The following SPG7 variants were observed in gnomAD, a reference collection of about 807,000 sequenced individuals.
SPG7 encodes mitochondrial inner membrane m-AAA protease component paraplegin.
A neutral mutation model predicts 81.9 loss-of-function variants in SPG7; 103 were observed. That is an observed-to-expected ratio of 1.26 (90% confidence interval 1.07 to 1.48). The LOEUF (loss-of-function observed/expected upper bound fraction) is 1.48. SPG7 is among the 40% of genes most tolerant of loss of function. The pLI is 0.00. For synonymous variants in SPG7, 534 were observed against 444.2 expected (o/e 1.20, Z -2.54); for missense variants, 1,241 against 1,087.3 (o/e 1.14, Z -1.99).
intron 9 of SPG7, chr16:89,537,022 G>C (rs1567919775): frequency 1.2e-6 from 2 of 1,609,816 alleles, no homozygotes; most frequent in Admixed American, 1.7e-5. Context: ...TCCGCCCCCG[G>C]ATTTGCTCAG....
In SPG7 at chr16:89,532,565, C is replaced by A; in HGVS notation, c.1253C>A (p.Ser418Tyr). 1 of 1,613,798 alleles carries A rather than the reference C, an allele frequency of 6.2e-7. No individual in the cohort carries two copies. The highest frequency in any genetic ancestry group is 8.5e-7 in the Non-Finnish European group (1 of 1,180,034). Residue 418 changes from serine to tyrosine, a missense_variant, in exon 9 of 17, where the codon TCC becomes TAC. Ser to Tyr is a moderately radical substitution (Grantham distance 144, BLOSUM62 -2). Coordinates refer to ENST00000645818, the MANE Select transcript of SPG7 (RefSeq NM_003119.4). ...DEIDAVGKKR[S>Y]TTMSGFSNTE... ...ATCGACGCGGTGGGCAAGAAGCGCT[C>A]CACCACCATGTCCGGCTTCTCCAAC...
intron 3 of SPG7, chr16:89,521,588 A>T (rs1328619228): frequency 2.0e-5 from 3 of 152,142 alleles, no homozygotes; most frequent in East Asian, 3.9e-4. Flanking sequence ...ACTCAAATTT[A>T]AAAAATTAGC....
In SPG7 at chr16:89,532,161, G is replaced by A. The variant is rs984145726; in HGVS notation, c.1150+95G>A. On this transcript the variant is annotated intron_variant, in intron 8 of 16. Coordinates refer to ENST00000645818, the MANE Select transcript of SPG7 (RefSeq NM_003119.4). The stretch of plus-strand genomic sequence containing the variant: ...CTGGTGTCTGGACTGAAAGGGACAC[G>A]GGTGGGTGGGGGAGTAGAGAAGGAA... 45 of 1,302,484 alleles carry A rather than the reference G, an allele frequency of 3.5e-5. No homozygotes were observed. The African/African-American group carries it at 4.6e-4, about 13-fold the overall frequency. The allele number at this position is 1,302,484 out of a possible 1,614,324, so 80.7% of individuals were successfully genotyped here. A position where few individuals can be genotyped will look rare whatever the true frequency, so the allele number is the denominator to read the frequency against.
Position 89,554,482 on chromosome 16 carries a change from A to AC in SPG7, c.2104-3dup. 6.2e-7 allele frequency: 1 copy of AC among 1,605,614 alleles called. No individual in the cohort carries two copies. The highest frequency in any genetic ancestry group is 2.2e-5 in the East Asian group (1 of 44,826). On this transcript the variant is annotated splice_polypyrimidine_tract_variant and splice_region_variant and intron_variant, in intron 15 of 16. Coordinates refer to ENST00000645818, the MANE Select transcript of SPG7 (RefSeq NM_003119.4). Reference sequence around the variant, plus strand: ...GCCCCTGACACAGTTCCCTCCACTCACAGGAAGCAAGACTGCTGGTGGCCA... The same window carrying AC: ...GCCCCTGACACAGTTCCCTCCACTCACCAGGAAGCAAGACTGCTGGTGGCCA...
At chr16:89,520,677 G>GT (rs1473055214) in intron 3 of SPG7, 1 of 151,936 alleles carries the variant, frequency 6.6e-6, no homozygotes, top group Non-Finnish European at 1.5e-5. Context: ...GATGACAGTC[G>GT]TAAGCCACTG....
chr16:89,534,085 C>G (rs931017871), intron 9 of SPG7, among the ~76,000 whole-genome samples: 3 of 152,210 alleles, frequency 2.0e-5, no homozygotes, highest in Admixed American at 6.5e-5. Flanking sequence ...TATATTCGCA[C>G]TGTTGAGCAA....
At chr16:89,525,566 A>G (rs1381625398) in intron 4 of SPG7, among the ~76,000 whole-genome samples, 1 of 152,116 alleles carries the variant, frequency 6.6e-6, no homozygotes, top group African/African-American at 2.4e-5. Context: ...TTAACCTCAA[A>G]GAGAGTCCCG....
intron 12 of SPG7, chr16:89,548,609 G>A (rs773761775): frequency 4.1e-5 from 13 of 315,758 alleles, no homozygotes; most frequent in East Asian, 1.8e-4. Context: ...TCATGGTCCC[G>A]ACCGTCAGTA....
intron 5 of SPG7, among the ~76,000 whole-genome samples, chr16:89,527,564 T>C (rs1050261865): frequency 1.3e-5 from 2 of 152,178 alleles, no homozygotes; most frequent in Non-Finnish European, 2.9e-5. Flanking sequence ...CTTGCTCTCT[T>C]CTACAGACAG....
intron 9 of SPG7, chr16:89,542,018 G>C (rs912265776): frequency 6.6e-6 from 1 of 151,468 alleles, no homozygotes; most frequent in African/African-American, 2.4e-5. Context: ...GTGCCCCGCA[G>C]GGTGGCCATC....
chr16:89,517,614 G>GTTT (rs2058119052), intron 3 of SPG7: 1 of 147,072 alleles, frequency 6.8e-6, no homozygotes, highest in African/African-American at 2.5e-5. Flanking sequence ...AATTGTCGTC[G>GTTT]TCTTTTTTTT....
At chr16:89,509,131 G>A (rs1302360421) in intron 1 of SPG7, 4 of 372,668 alleles carry the variant, frequency 1.1e-5, no homozygotes, top group Admixed American at 6.3e-5. Context: ...CTTGTTTCAG[G>A]TTCTGCTAAG....
In SPG7 at chr16:89,551,202, C is replaced by G. The variant is rs1368149918; in HGVS notation, c.1779+593C>G. On this transcript the variant is annotated intron_variant, in intron 13 of 16. Transcript: ENST00000645818. ...AGTCCGAGTGCTGCCAAGAGGAGGTCTCTACTCGGAACGCAGGTGCCGTCT... is the reference window on the plus strand; with the variant it reads ...AGTCCGAGTGCTGCCAAGAGGAGGTGTCTACTCGGAACGCAGGTGCCGTCT... The G allele has an allele frequency of 1.1e-5, 2 of 180,278 alleles. 1 individual carries two copies. The highest frequency in any genetic ancestry group is 2.4e-5 in the Non-Finnish European group (2 of 83,710). 11.2% of individuals were successfully genotyped at this position (180,278 alleles called of 1,614,324 possible).
At chr16:89,515,088 C>T (rs1368616606) in intron 3 of SPG7, among the ~76,000 whole-genome samples, 3 of 151,532 alleles carry the variant, frequency 2.0e-5, no homozygotes, top group Non-Finnish European at 4.4e-5. Context: ...AGGTGCCCGC[C>T]ACCATACCCG....
At chr16:89,553,420 C>T (rs2058656571) in intron 14 of SPG7, 1 of 531,078 alleles carries the variant, frequency 1.9e-6, no homozygotes, top group East Asian at 3.4e-5. Context: ...GAAGCGGCTT[C>T]ATTGTTCTGA....
chr16:89,530,079 TCCTC>T (rs1771637242), intron 6 of SPG7: 2 of 269,558 alleles, frequency 7.4e-6, no homozygotes, highest in East Asian at 9.9e-5. Flanking sequence ...CCTCAGGTGA[TCCTC>T]CCGCCTCAGC....
chr16:89,544,372 GGA>G, intron 9 of SPG7: 1 of 427,080 alleles, frequency 2.3e-6, no homozygotes, highest in South Asian at 2.1e-5. Context: ...CGTGAGGCAG[GGA>G]GAGGCTCCAG....
intron 11 of SPG7, chr16:89,547,063 C>G (rs563892730): frequency 2.6e-6 from 1 of 388,870 alleles, no homozygotes; most frequent in Non-Finnish European, 5.0e-6. Flanking sequence ...CGGCGTTTCC[C>G]GTCAGACCCA....
At chr16:89,512,271 G>A (rs1048792225) in intron 2 of SPG7, among the ~76,000 whole-genome samples, 3 of 151,544 alleles carry the variant, frequency 2.0e-5, no homozygotes, top group South Asian at 2.1e-4. Context: ...GAGGAGTGTC[G>A]TGCCGGCCCC....
Sources: allele counts gnomAD v4.1 joint callset (sites outside exome capture counted in the v4.1 genomes callset), GRCh38; gene constraint gnomAD v4.1.1; transcripts MANE v1.5; gene names NCBI Gene and HGNC (gene_info 2026-07-23, HGNC 2026-07-21).